Variants in NBAS observed in about 807,000 individuals in gnomAD.
NBAS encodes the protein NAG/BC035112 fusion.
A neutral mutation model predicts 302.5 loss-of-function variants in NBAS; 219 were observed. That is an observed-to-expected ratio of 0.72 (90% CI 0.65 to 0.81). The LOEUF (loss-of-function observed/expected upper bound fraction) is 0.81. NBAS is among the 30% of genes least tolerant of loss of function. The probability of loss-of-function intolerance (pLI) is 0.00; values close to 1 mark genes in which losing one functional copy is unlikely to be tolerated. For synonymous variants in NBAS, 1,118 were observed against 1,021.6 expected, an observed-to-expected ratio of 1.09 and a Z score of -1.80; for missense variants, 2,932 against 2,841.6, an observed-to-expected ratio of 1.03 and a Z score of -0.72.
chr2:14,905,085 C>T, the NBAS span, among the ~76,000 whole-genome samples: 4 of 152,182 alleles, frequency 2.6e-5, no homozygotes, highest in African/African-American at 4.8e-5. Context: ...GGTGTTTATG[C>T]TCTGTTCCAG....
chr2:15,368,406 G>A (rs1674325551), intron 31 of NBAS, among the ~76,000 whole-genome samples: 1 of 151,754 alleles, frequency 6.6e-6, no homozygotes, highest in Non-Finnish European at 1.5e-5. Flanking sequence ...CACCACATTG[G>A]CCAGGCTAGT....
chr2:15,219,390 C>G (rs1364965571), intron 47 of NBAS, among the ~76,000 whole-genome samples: 1 of 136,254 alleles, frequency 7.3e-6, no homozygotes, highest in Non-Finnish European at 1.5e-5. Flanking sequence ...TTGGCAGGGT[C>G]ATAGGACAAC....
chr2:15,442,239 T>C (rs1334957619), intron 21 of NBAS, among the ~76,000 whole-genome samples: 4 of 89,546 alleles, frequency 4.5e-5, no homozygotes, highest in Non-Finnish European at 1.1e-4. Flanking sequence ...TATTCCAAAA[T>C]TGACCACATA....
chr2:15,430,950 G>C (rs914818986), intron 21 of NBAS, among the ~76,000 whole-genome samples: 1 of 151,868 alleles, frequency 6.6e-6, no homozygotes, highest in Non-Finnish European at 1.5e-5. Context: ...GGGACTACAG[G>C]TGCCCGCCAC....
chr2:15,554,788 T>C (rs578225361), intron 3 of NBAS, among the ~76,000 whole-genome samples: 1 of 151,840 alleles, frequency 6.6e-6, no homozygotes, highest in African/African-American at 2.4e-5. Context: ...ACTATGGTTC[T>C]GTGGAGGATA....
chr2:15,067,575 T>C, the NBAS span, among the ~76,000 whole-genome samples: 1 of 152,038 alleles, frequency 6.6e-6, no homozygotes, highest in African/African-American at 2.4e-5. Context: ...GACATGTTAG[T>C]TGCAGAAGGA....
At chr2:14,829,476 ATTC>A in the NBAS span, among the ~76,000 whole-genome samples, 1 of 152,142 alleles carries the variant, frequency 6.6e-6, no homozygotes, top group Non-Finnish European at 1.5e-5. Flanking sequence ...CACTATTATC[ATTC>A]TTCATCATTA....
downstream of NBAS, among the ~76,000 whole-genome samples, chr2:15,165,360 T>C (rs1250135881): frequency 6.6e-6 from 1 of 152,194 alleles, no homozygotes; most frequent in Non-Finnish European, 1.5e-5. Context: ...GTGTCCTCTT[T>C]CCTGTGAAGT....
chr2:15,468,170 T>C (rs1044920490), intron 17 of NBAS, among the ~76,000 whole-genome samples: 2 of 152,188 alleles, frequency 1.3e-5, no homozygotes, highest in African/African-American at 4.8e-5. Flanking sequence ...ATTTTAATTA[T>C]TTACTTCTCA....
chr2:15,192,137 T>C (rs1049720505), intron 48 of NBAS, among the ~76,000 whole-genome samples: 5 of 152,200 alleles, frequency 3.3e-5, no homozygotes, highest in Admixed American at 2.6e-4. Context: ...CTATGTGACA[T>C]GCTATATATT....
chr2:15,267,760 A>T (rs1007302103), intron 44 of NBAS, among the ~76,000 whole-genome samples: 1 of 152,194 alleles, frequency 6.6e-6, no homozygotes, highest in Non-Finnish European at 1.5e-5. Context: ...TTACACATAC[A>T]TGTATTTTAT....
At chr2:15,552,589 T>A (rs1345893148) in intron 5 of NBAS, among the ~76,000 whole-genome samples, 1 of 152,210 alleles carries the variant, frequency 6.6e-6, no homozygotes, top group Non-Finnish European at 1.5e-5. Context: ...CTATTGTTGC[T>A]ATTTCTTTCA....
At chr2:14,791,215 C>T in the NBAS span, among the ~76,000 whole-genome samples, 8 of 151,622 alleles carry the variant, frequency 5.3e-5, no homozygotes, top group Admixed American at 3.9e-4. Context: ...GGTCTTGAAC[C>T]CCCAACCTCA....
chr2:14,781,495 C>A, the NBAS span, among the ~76,000 whole-genome samples: 1 of 151,446 alleles, frequency 6.6e-6, no homozygotes, highest in Non-Finnish European at 1.5e-5. Flanking sequence ...AAATCCAATA[C>A]AGCATGGCAG....
the NBAS span, among the ~76,000 whole-genome samples, chr2:15,152,436 G>C: frequency 6.6e-6 from 1 of 152,212 alleles, no homozygotes; most frequent in Non-Finnish European, 1.5e-5. Flanking sequence ...CCTAACTTAG[G>C]ATGTAGACAA....
the NBAS span, among the ~76,000 whole-genome samples, chr2:14,978,331 A>T: frequency 1.3e-5 from 2 of 152,100 alleles, no homozygotes; most frequent in Non-Finnish European, 2.9e-5. Flanking sequence ...TCTTTCCCCA[A>T]AGTGTAAGCT....
intron 40 of NBAS, among the ~76,000 whole-genome samples, chr2:15,301,090 A>G (rs1670774508): frequency 1.3e-5 from 2 of 152,264 alleles, no homozygotes; most frequent in South Asian, 4.2e-4. Flanking sequence ...TGGCACATGA[A>G]AATATCCTGC....
At chr2:15,218,994 T>C (rs905659957) in intron 47 of NBAS, 26 bp from the exon 48 acceptor site, 13 of 1,613,388 alleles carry the variant, frequency 8.1e-6, no homozygotes, top group Non-Finnish European at 1.0e-5. Flanking sequence ...CAGAGGTATC[T>C]GTAAACTCCT....
At chr2:15,495,823 A>G (rs539148958) in intron 11 of NBAS, among the ~76,000 whole-genome samples, 15 of 152,332 alleles carry the variant, frequency 9.8e-5, no homozygotes, top group African/African-American at 3.6e-4. Context: ...TGGAAACACC[A>G]TACTCTGACA....
Sources: gnomAD v4.1 joint callset for allele counts (sites outside exome capture counted in the v4.1 genomes callset) on GRCh38, gnomAD v4.1.1 for gene constraint, MANE v1.5 for transcripts, NCBI Gene and HGNC (gene_info 2026-07-23, HGNC 2026-07-21) for gene names.